Variants in DNAJC3 observed in about 807,000 individuals in gnomAD.
DNAJC3 encodes DnaJ heat shock protein family (Hsp40) member C3.
Under a neutral mutation model 68.6 loss-of-function variants are expected in DNAJC3, and 38 were observed. That is an observed-to-expected ratio of 0.55 (90% CI 0.43 to 0.73). The LOEUF (loss-of-function observed/expected upper bound fraction) is 0.73, where lower values mean the gene tolerates loss of function less well. Ranked by LOEUF, DNAJC3 falls within the 30% of genes least tolerant of loss-of-function variation. The pLI is 0.00. For missense variants in DNAJC3, 526 were observed against 591.9 expected (o/e 0.89, Z 1.16); for synonymous variants, 203 against 204.0 (o/e 1.00, Z 0.04).
intron 4 of DNAJC3, among the ~76,000 whole-genome samples, chr13:95,753,945 T>C (rs1470698399): frequency 1.3e-5 from 2 of 152,320 alleles, no homozygotes; most frequent in East Asian, 3.9e-4. Context: ...AAAAGCAATA[T>C]CTGTTTGGAA....
Position 95,760,212 on chromosome 13 carries a change from T to C in DNAJC3, c.719T>C (p.Leu240Pro). 6.3e-7 allele frequency: 1 copy of C among 1,591,080 alleles called. No individual in the cohort carries two copies. Among genetic ancestry groups the C allele is most frequent in the Non-Finnish European group, 8.6e-7 (1 of 1,168,514 alleles). Reference sequence around the variant, plus strand: ...TACTACCAACTAGGAGACCACGAACTGTCCCTCAGGTCAGTTCTAGTGACA... The same window carrying C: ...TACTACCAACTAGGAGACCACGAACCGTCCCTCAGGTCAGTTCTAGTGACA... ...TLYYQLGDHE[L>P]SLSEVRECLK... The change falls in exon 6 of 12, where the codon CTG (leucine) becomes CCG (proline). Residue 240 changes from leucine (L) to proline (P), a missense_variant. Physicochemically the swap from Leu to Pro is moderately conservative, Grantham distance 98 (BLOSUM62 -3). Transcript: ENST00000602402.
chr13:95,686,492 A>G (rs1448073660), intron 1 of DNAJC3, among the ~76,000 whole-genome samples: 1 of 152,132 alleles, frequency 6.6e-6, no homozygotes. Flanking sequence ...GGTCTTCGTC[A>G]TAAGTTGTTT....
At position 95,689,434 on chromosome 13, in the gene DNAJC3, A is replaced by G. The variant is rs1880168365; in HGVS notation, c.82+12097A>G. On this transcript the variant is annotated intron_variant, in intron 1 of 11. Transcript: ENST00000602402. ...GATGATGTTTTGTATTTTCTGTGGT[A>G]TGAGTTGTCACCTTTCTCATTTCTG... Among the ~76,000 whole-genome samples the G allele has an allele frequency of 2.0e-5, 3 of 151,716 alleles. No homozygotes were observed. In the South Asian group the frequency reaches 6.3e-4, roughly 32 times the overall value.
At chr13:95,698,842 A>G (rs902186489) in intron 1 of DNAJC3, among the ~76,000 whole-genome samples, 4 of 152,224 alleles carry the variant, frequency 2.6e-5, no homozygotes, top group Non-Finnish European at 4.4e-5. Context: ...AGTATAAAGT[A>G]AGAGGTAGAG....
intron 9 of DNAJC3, among the ~76,000 whole-genome samples, chr13:95,772,098 A>G (rs1389109548): frequency 6.6e-6 from 1 of 152,228 alleles, no homozygotes; most frequent in African/African-American, 2.4e-5. Context: ...ATGTGACCAT[A>G]GATAATACGC....
chr13:95,704,808 AT>A (rs1566474633), intron 1 of DNAJC3, among the ~76,000 whole-genome samples: 1 of 148,008 alleles, frequency 6.8e-6, no homozygotes, highest in Non-Finnish European at 1.5e-5. Context: ...CTTTAGCCAG[AT>A]CAGTTTTTTC....
At chr13:95,752,982 A>G (rs1882527802) in intron 4 of DNAJC3, among the ~76,000 whole-genome samples, 1 of 152,130 alleles carries the variant, frequency 6.6e-6, no homozygotes, top group Non-Finnish European at 1.5e-5. Context: ...GATAGTGTGA[A>G]TTTTGCTAAC....
chr13:95,788,037 C>A (rs540823201), intron 11 of DNAJC3, among the ~76,000 whole-genome samples: 1 of 152,244 alleles, frequency 6.6e-6, no homozygotes, highest in East Asian at 1.9e-4. Flanking sequence ...TGAGTACTTA[C>A]TTATGCAGTG....
chr13:95,727,686 G>A (rs1444043149), intron 4 of DNAJC3, among the ~76,000 whole-genome samples: 1 of 152,138 alleles, frequency 6.6e-6, no homozygotes, highest in East Asian at 1.9e-4. Context: ...CTATAGCACT[G>A]TATCACAACC....
chr13:95,687,997 T>C (rs999396198), intron 1 of DNAJC3, among the ~76,000 whole-genome samples: 8 of 152,198 alleles, frequency 5.3e-5, no homozygotes, highest in Admixed American at 5.2e-4. Context: ...TTCACCTCCT[T>C]GGTTAGCTGT....
chr13:95,727,893 T>A (rs1031688118), intron 4 of DNAJC3, among the ~76,000 whole-genome samples: 1 of 152,220 alleles, frequency 6.6e-6, no homozygotes, highest in Non-Finnish European at 1.5e-5. Context: ...CATACCAATT[T>A]CCATCCCACC....
chr13:95,742,161 T>A (rs1306859149), intron 4 of DNAJC3, among the ~76,000 whole-genome samples: 1 of 152,160 alleles, frequency 6.6e-6, no homozygotes, highest in Admixed American at 6.5e-5. Flanking sequence ...CAGTACATTT[T>A]AAAATGTGTA....
Position 95,760,815 on chromosome 13 carries a change from T to C in DNAJC3, c.848+17T>C, listed in dbSNP as rs1227641686. The C allele has an allele frequency of 6.2e-7, 1 of 1,606,812 alleles. No homozygotes were observed. Among genetic ancestry groups the C allele is most frequent in the Non-Finnish European group, 8.5e-7 (1 of 1,176,474 alleles). On this transcript the variant is annotated intron_variant, in intron 7 of 11. Coordinates refer to ENST00000602402, the MANE Select transcript of DNAJC3 (RefSeq NM_006260.5). ...AGATGGCAGGTGAGAATATGGTTGT[T>C]CCAACTGTCCAGCCATTCCTTATGT... is the stretch of plus-strand genomic sequence containing the variant.
intron 2 of DNAJC3, among the ~76,000 whole-genome samples, chr13:95,721,516 T>TA: frequency 6.6e-6 from 1 of 152,332 alleles, no homozygotes; most frequent in East Asian, 1.9e-4. Flanking sequence ...CATACCATCT[T>TA]ACATCCCACC....
chr13:95,717,080 C>T (rs1881175904), intron 2 of DNAJC3, among the ~76,000 whole-genome samples: 1 of 152,038 alleles, frequency 6.6e-6, no homozygotes, highest in African/African-American at 2.4e-5. Context: ...CAGAAGAGAA[C>T]TATGGGGATA....
chr13:95,786,163 TTTAC>T (rs1186958637), intron 10 of DNAJC3, 92 bp downstream of exon 10: 2 of 1,300,328 alleles, frequency 1.5e-6, no homozygotes, highest in African/African-American at 3.0e-5. Context: ...ATTCATTTTC[TTTAC>T]TTATGTAATT....
At chr13:95,701,154 C>T (rs544345431) in intron 1 of DNAJC3, among the ~76,000 whole-genome samples, 3 of 152,244 alleles carry the variant, frequency 2.0e-5, no homozygotes, top group East Asian at 1.9e-4. Flanking sequence ...TGGAACTTTC[C>T]GCGATGATGG....
In DNAJC3 at chr13:95,793,318, C is replaced by T. The variant is rs1213896842; in HGVS notation, c.*2288C>T. Reference sequence around the variant, plus strand: ...GGCAGTTTTCTGGTGTCCACCCAAACGGAGAGACAGTCACTCCTGCTTACC... The same window carrying T: ...GGCAGTTTTCTGGTGTCCACCCAAATGGAGAGACAGTCACTCCTGCTTACC... On this transcript the variant is annotated 3_prime_UTR_variant, in exon 12 of 12. Transcript: ENST00000602402. 1.1e-4 allele frequency: 16 copies of T among 152,190 alleles called. No homozygotes were observed. The highest frequency in any genetic ancestry group is 3.1e-4 in the African/African-American group (13 of 41,496). The allele number at this position is 152,190 out of a possible 1,614,324, so 9.4% of individuals were successfully genotyped here.
At chr13:95,743,053 T>C in intron 4 of DNAJC3, 1 of 362,546 alleles carries the variant, frequency 2.8e-6, no homozygotes, top group South Asian at 2.1e-5. Context: ...TTTCATTGAA[T>C]TGCTTTTGCA....
Sources: allele counts gnomAD v4.1 joint callset (sites outside exome capture counted in the v4.1 genomes callset), GRCh38; gene constraint gnomAD v4.1.1; transcripts MANE v1.5; gene names NCBI Gene and HGNC (gene_info 2026-07-23, HGNC 2026-07-21).